Variants in BLNK observed in about 807,000 individuals in gnomAD.
BLNK encodes the protein B cell linker.
A neutral mutation model predicts 73.5 loss-of-function variants in BLNK; 29 were observed. That is an observed-to-expected ratio of 0.39 (90% CI 0.29 to 0.54). The LOEUF (loss-of-function observed/expected upper bound fraction) is 0.54. Among genes scored for constraint, BLNK ranks in the 20% least tolerant of loss-of-function variants. The pLI is 0.61. For missense variants in BLNK, 460 were observed against 562.8 expected, an observed-to-expected ratio of 0.82 and a Z score of 1.85; for synonymous variants, 176 against 200.8, an observed-to-expected ratio of 0.88 and a Z score of 1.04.
chr10:96,271,465 C>A lies in BLNK; in HGVS notation c.-67G>T. The A allele has an allele frequency of 1.3e-6, 2 of 1,532,652 alleles. No individual in the cohort carries two copies. Among genetic ancestry groups the A allele is most frequent in the Non-Finnish European group, 1.8e-6 (2 of 1,106,240 alleles). The allele number at this position is 1,532,652 out of a possible 1,614,324, so 94.9% of individuals were successfully genotyped here. On this transcript the variant is annotated 5_prime_UTR_variant, in exon 1 of 17. The change creates a new upstream start codon in the 5' untranslated region. Transcript: ENST00000224337. ...GTCACGTCAGCAGTTCCTGGCCCTC[C>A]TAGGGAGCAGCATGGTAAGCCTCTG...
chr10:96,244,553 G>A (rs2134085831), intron 2 of BLNK, among the ~76,000 whole-genome samples: 1 of 152,340 alleles, frequency 6.6e-6, no homozygotes, highest in African/African-American at 2.4e-5. Context: ...CTCTGTCACA[G>A]TCTTGTGTTA....
Position 96,215,367 on chromosome 10 carries a change from G to C in BLNK, c.630C>G (p.Thr210=). 6.2e-7 allele frequency: 1 copy of C among 1,613,616 alleles called. No individual in the cohort carries two copies. The highest frequency in any genetic ancestry group is 8.5e-7 in the Non-Finnish European group (1 of 1,179,876). The change falls in exon 8 of 17, where the codon ACC becomes ACG. Residue 210 remains threonine (T), a synonymous_variant. Coordinates refer to ENST00000224337, the MANE Select transcript of BLNK (RefSeq NM_013314.4). ...AGGCGGGCGTTGAGGAATTTGGCTT[G>C]GTTGATCTATTCACCATGGGAGCTT... is the stretch of plus-strand genomic sequence containing the variant. The part of the protein sequence containing the change: ...PEKAPMVNRS[T]KPNSSTPASP...
intron 16 of BLNK, among the ~76,000 whole-genome samples, chr10:96,194,531 A>G (rs2083409828): frequency 6.6e-6 from 1 of 152,206 alleles, no homozygotes; most frequent in African/African-American, 2.4e-5. Context: ...TTGCTCAGCA[A>G]ATAACACAAT....
At chr10:96,227,323 A>G in intron 5 of BLNK, 87 bp downstream of exon 5, 4 of 1,545,812 alleles carry the variant, frequency 2.6e-6, no homozygotes, top group Non-Finnish European at 2.6e-6. Flanking sequence ...AGCAGCAGCC[A>G]GGTTTGTCCC....
chr10:96,190,634 T>C lies in BLNK; in HGVS notation c.*1339A>G, dbSNP rs1323512140. ...CATGAGTTACCCTGAAATTATTACC[T>C]TCTGGCCTTTCAACATACTTTCATA... On this transcript the variant is annotated 3_prime_UTR_variant, in exon 17 of 17. Coordinates refer to ENST00000224337, the MANE Select transcript of BLNK (RefSeq NM_013314.4). Among the ~76,000 whole-genome samples, 1 of 152,228 alleles carries C rather than the reference T, an allele frequency of 6.6e-6. No individual in the cohort carries two copies. Among genetic ancestry groups the C allele is most frequent in the Non-Finnish European group, 1.5e-5 (1 of 68,032 alleles).
At chr10:96,209,706 C>A in intron 9 of BLNK, 132 bp downstream of exon 9, 2 of 1,125,384 alleles carry the variant, frequency 1.8e-6, no homozygotes, top group East Asian at 4.7e-5. Flanking sequence ...TTGATGTTAG[C>A]AGGGCTCCTT....
At chr10:96,212,587 AGCGGGGACG>A (rs1554898888) in intron 8 of BLNK, among the ~76,000 whole-genome samples, 9 of 152,180 alleles carry the variant, frequency 5.9e-5, no homozygotes, top group African/African-American at 9.7e-5. Context: ...TCTCAAGCAC[AGCGGGGACG>A]GCAGGGGCTG....
rs1554896828 is a variant in BLNK at position 96,204,050 on chromosome 10, T to C, written c.934+7A>G. On this transcript the variant is annotated splice_region_variant and intron_variant, in intron 13 of 16. Coordinates refer to ENST00000224337, the MANE Select transcript of BLNK (RefSeq NM_013314.4). ...CCTGATACACTACATGGCTTCGTTG[T>C]ACTTACTTGGCAGAGGTATGGGTTT... The C allele has an allele frequency of 6.2e-7, 1 of 1,612,704 alleles. No individual in the cohort carries two copies. Among genetic ancestry groups the C allele is most frequent in the Admixed American group, 1.7e-5 (1 of 60,020 alleles).
At chr10:96,239,943 T>C (rs1280698296) in intron 3 of BLNK, among the ~76,000 whole-genome samples, 3 of 152,178 alleles carry the variant, frequency 2.0e-5, no homozygotes, top group Non-Finnish European at 4.4e-5. Flanking sequence ...TCCTGGAATC[T>C]GTGTCCAGCA....
intron 15 of BLNK, among the ~76,000 whole-genome samples, chr10:96,198,731 T>C (rs190939957): frequency 1.3e-5 from 2 of 152,328 alleles, no homozygotes; most frequent in Admixed American, 1.3e-4. Flanking sequence ...GCAGTCTCAC[T>C]CTTGTTGCCC....
intron 1 of BLNK, among the ~76,000 whole-genome samples, chr10:96,254,697 G>C (rs1046013285): frequency 6.6e-6 from 1 of 151,996 alleles, no homozygotes; most frequent in African/African-American, 2.4e-5. Flanking sequence ...TTTTAGTAGA[G>C]ACGGGGTTTC....
chr10:96,246,391 A>G (rs1334010466), intron 2 of BLNK, among the ~76,000 whole-genome samples: 2 of 152,188 alleles, frequency 1.3e-5, no homozygotes, highest in Non-Finnish European at 2.9e-5. Context: ...TGTCTCTACT[A>G]AAAATACAAA....
intron 8 of BLNK, among the ~76,000 whole-genome samples, chr10:96,211,680 C>T (rs587761997): frequency 8.5e-5 from 13 of 152,296 alleles, no homozygotes; most frequent in Non-Finnish European, 1.9e-4. Flanking sequence ...TTCCACGGTA[C>T]CTGAACTGGG....
rs1232877632 is a variant in BLNK at position 96,200,264 on chromosome 10, A to G, written c.1012-106T>C. 4.1e-6 allele frequency: 3 copies of G among 726,796 alleles called. No individual in the cohort carries two copies. In the African/African-American group the frequency reaches 5.3e-5, roughly 13 times the overall value. 45.0% of individuals were successfully genotyped at this position (726,796 alleles called of 1,614,324 possible). On this transcript the variant is annotated intron_variant, in intron 14 of 16. Transcript: ENST00000224337. This position sits in a 1 kb window ranked among gnomAD's most constrained non-coding sequence, Gnocchi z 4.3. ...TTGCATTATCAAGACAGGCCTCTAC[A>G]TTTACACCAATAATTTTAAGATGAG... is the stretch of plus-strand genomic sequence containing the variant.
intron 16 of BLNK, among the ~76,000 whole-genome samples, chr10:96,194,380 T>A (rs2083405282): frequency 6.6e-6 from 1 of 152,038 alleles, no homozygotes; most frequent in South Asian, 2.1e-4. Context: ...AAAATAAAAT[T>A]CCCCAATATA....
At chr10:96,199,501 CCA>C (rs1554895528) in intron 15 of BLNK, 1 of 462,486 alleles carries the variant, frequency 2.2e-6, no homozygotes, top group East Asian at 6.7e-5. Context: ...TTCTCGTCTC[CCA>C]CTGTTTGGAG....
chr10:96,197,715 A>G (rs1554895038), intron 15 of BLNK, among the ~76,000 whole-genome samples: 1 of 152,058 alleles, frequency 6.6e-6, no homozygotes, highest in Non-Finnish European at 1.5e-5. Context: ...GGTCAGACTG[A>G]CCTCATTATG....
Position 96,242,622 on chromosome 10 carries a change from G to T in BLNK, c.163+113C>A. 2.8e-6 allele frequency: 3 copies of T among 1,053,402 alleles called. 1 individual carries two copies. Among genetic ancestry groups the T allele is most frequent in the South Asian group, 2.6e-5 (2 of 76,856 alleles). 65.3% of individuals were successfully genotyped at this position (1,053,402 alleles called of 1,614,324 possible). A position where few individuals can be genotyped will look rare whatever the true frequency, so the allele number is the denominator to read the frequency against. On this transcript the variant is annotated intron_variant, in intron 3 of 16. Transcript: ENST00000224337. ...TTTAGTCATTCTTGAAATTAGAAAA[G>T]ATACCTTTTGTTTTCAAATGAGGAT...
intron 13 of BLNK, among the ~76,000 whole-genome samples, chr10:96,201,887 A>G (rs1013625564): frequency 1.1e-4 from 16 of 152,226 alleles, no homozygotes; most frequent in African/African-American, 3.9e-4. Flanking sequence ...CAATAAAGAC[A>G]TAAGTAAAAA....
Sources: allele counts gnomAD v4.1 joint callset (sites outside exome capture counted in the v4.1 genomes callset), GRCh38; gene constraint gnomAD v4.1.1; non-coding constraint Gnocchi (gnomAD v3.1); transcripts MANE v1.5; gene names NCBI Gene and HGNC (gene_info 2026-07-23, HGNC 2026-07-21).